AGBL4: variants seen among roughly 807,000 people sequenced by gnomAD.
AGBL4 encodes AGBL carboxypeptidase 4.
In AGBL4, 58 loss-of-function variants were observed where a neutral mutation model predicts 66.4. The observed-to-expected ratio is 0.87, with a 90% confidence interval of 0.71 to 1.09. AGBL4 has a LOEUF of 1.09. Ranked by LOEUF, AGBL4 falls within the 50% of genes least tolerant of loss-of-function variation. The pLI, the probability that AGBL4 is intolerant of heterozygous loss-of-function variation, is 0.00. For synonymous variants in AGBL4, 234 were observed against 222.9 expected, an observed-to-expected ratio of 1.05 and a Z score of -0.44; for missense variants, 579 against 631.0, an observed-to-expected ratio of 0.92 and a Z score of 0.88.
In AGBL4 at chr1:48,736,375, G is replaced by A. The variant is rs1255030641; in HGVS notation, c.635-73134C>T. On this transcript the variant is annotated intron_variant, in intron 6 of 13. Coordinates refer to ENST00000371839, the MANE Select transcript of AGBL4 (RefSeq NM_032785.4). This position sits in a 1 kb window ranked among gnomAD's most constrained non-coding sequence, Gnocchi z 4.0. ...AAATCATAACTGCCAAGTTCTTCGT[G>A]TACTTGGAATCTCCTTGGGTTACTT... 1 of 1,614,044 alleles carries A rather than the reference G, an allele frequency of 6.2e-7. No homozygotes were observed. Among genetic ancestry groups the A allele is most frequent in the East Asian group, 2.2e-5 (1 of 44,878 alleles).
intron 3 of AGBL4, among the ~76,000 whole-genome samples, chr1:49,307,968 G>A (rs1454807597): frequency 6.6e-6 from 1 of 152,090 alleles, no homozygotes. Flanking sequence ...GGTGGGAGGT[G>A]ATTGAATCAT....
chr1:49,529,249 T>C (rs1258801571), intron 3 of AGBL4, among the ~76,000 whole-genome samples: 1 of 152,178 alleles, frequency 6.6e-6, no homozygotes, highest in Non-Finnish European at 1.5e-5. Flanking sequence ...ATGGGGAATA[T>C]AATCTGTGGT....
chr1:49,388,361 C>T (rs1644779316), intron 3 of AGBL4, among the ~76,000 whole-genome samples: 1 of 151,874 alleles, frequency 6.6e-6, no homozygotes, highest in Non-Finnish European at 1.5e-5. Context: ...TAAAATATAA[C>T]TTAATGTACA....
intron 1 of AGBL4, among the ~76,000 whole-genome samples, chr1:49,878,105 A>T (rs1188491678): frequency 6.7e-6 from 1 of 149,168 alleles, no homozygotes; most frequent in East Asian, 1.9e-4. Flanking sequence ...CCTTTCAAAA[A>T]ACCAGCTCCT....
intron 3 of AGBL4, among the ~76,000 whole-genome samples, chr1:49,546,840 G>A (rs538010517): frequency 1.6e-4 from 24 of 152,060 alleles, no homozygotes; most frequent in Middle Eastern, 3.4e-3. Flanking sequence ...GCTTAGCCCC[G>A]TTTTTGATGG....
chr1:49,584,057 T>C (rs1412628974), intron 3 of AGBL4, among the ~76,000 whole-genome samples: 1 of 152,168 alleles, frequency 6.6e-6, no homozygotes, highest in African/African-American at 2.4e-5. Context: ...CCTTATATTA[T>C]CTCCATGTTG....
At chr1:49,441,848 C>T (rs1481557663) in intron 3 of AGBL4, among the ~76,000 whole-genome samples, 4 of 152,182 alleles carry the variant, frequency 2.6e-5, no homozygotes, top group African/African-American at 4.8e-5. Flanking sequence ...TCCCCAGTCA[C>T]CCCTATCATC....
At chr1:49,784,912 AG>A (rs1644416635) in intron 2 of AGBL4, among the ~76,000 whole-genome samples, 1 of 152,126 alleles carries the variant, frequency 6.6e-6, no homozygotes, top group Admixed American at 6.5e-5. Flanking sequence ...CACACCCAAT[AG>A]GATAACCACA....
chr1:49,458,472 T>G (rs906138695), intron 3 of AGBL4, among the ~76,000 whole-genome samples: 4 of 151,694 alleles, frequency 2.6e-5, no homozygotes, highest in African/African-American at 9.7e-5. Context: ...TAGGATTTTC[T>G]AGGTATACAA....
chr1:49,845,747 A>G lies in AGBL4; in HGVS notation c.157+5649T>C, dbSNP rs1266882009. ...AGGATTTACACGGGAGAGAAGCCCT[A>G]TGGATGCAACGAGTGTGGGAAAACC... On this transcript the variant is annotated intron_variant, in intron 2 of 13. Coordinates refer to ENST00000371839, the MANE Select transcript of AGBL4 (RefSeq NM_032785.4). 11 of 1,587,758 alleles carry G rather than the reference A, an allele frequency of 6.9e-6. 1 individual carries two copies. The South Asian group carries it at 8.9e-5, about 13-fold the overall frequency.
At chr1:48,997,716 A>G (rs1475928292) in intron 5 of AGBL4, among the ~76,000 whole-genome samples, 1 of 152,200 alleles carries the variant, frequency 6.6e-6, no homozygotes, top group Non-Finnish European at 1.5e-5. Flanking sequence ...TCTTACCCAT[A>G]ATATGAGGAT....
intron 4 of AGBL4, among the ~76,000 whole-genome samples, chr1:49,205,551 G>A (rs1648066477): frequency 1.3e-5 from 2 of 152,056 alleles, no homozygotes; most frequent in South Asian, 4.1e-4. Context: ...GGGAGTGTAA[G>A]TAGGTAAGCT....
At position 48,972,774 on chromosome 1, in the gene AGBL4, A is replaced by G. The variant is rs1355633557; in HGVS notation, c.594+72810T>C. On this transcript the variant is annotated intron_variant, in intron 5 of 13. Transcript: ENST00000371839. ...AAGAATTGTTCATTTTTTGGCAGATATTATTTTTGAAACCAAAGCATAGGG... is the reference window on the plus strand; with the variant it reads ...AAGAATTGTTCATTTTTTGGCAGATGTTATTTTTGAAACCAAAGCATAGGG... 2.6e-5 allele frequency among the ~76,000 whole-genome samples: 4 copies of G among 152,180 alleles called. No individual in the cohort carries two copies. The East Asian group carries it at 7.7e-4, about 29-fold the overall frequency.
chr1:49,395,789 G>GTATATATATACATATATATATGTATACA lies in AGBL4; in HGVS notation c.283-149953_283-149926dup, dbSNP rs1557900310. ...CACATATATATACATGTGTATATATGTATATATATACATATATATATGTAT... is the reference window on the plus strand; with the variant it reads ...CACATATATATACATGTGTATATATGTATATATATACATATATATATGTATACATATATATATACATATATATATGTAT... On this transcript the variant is annotated intron_variant, in intron 3 of 13. Coordinates refer to ENST00000371839, the MANE Select transcript of AGBL4 (RefSeq NM_032785.4). 2.0e-4 allele frequency among the ~76,000 whole-genome samples: 24 copies of GTATATATATACATATATATATGTATACA among 121,336 alleles called. No individual in the cohort carries two copies. In the South Asian group the frequency reaches 5.2e-3, roughly 26 times the overall value. The allele number at this position is 121,336 out of a possible 152,430, so 79.6% of individuals were successfully genotyped here.
chr1:49,180,026 C>T (rs1405509395), intron 4 of AGBL4, among the ~76,000 whole-genome samples: 2 of 152,012 alleles, frequency 1.3e-5, no homozygotes, highest in African/African-American at 4.8e-5. Context: ...CTCAGCCTCC[C>T]GAGTAGCTGG....
chr1:48,540,334 G>A (rs1285277073), intron 11 of AGBL4, among the ~76,000 whole-genome samples: 1 of 152,146 alleles, frequency 6.6e-6, no homozygotes, highest in Non-Finnish European at 1.5e-5. Context: ...TTGGGGAAGG[G>A]CCAATTTCAT....
chr1:49,272,793 G>C (rs1219219471), intron 3 of AGBL4, among the ~76,000 whole-genome samples: 2 of 151,912 alleles, frequency 1.3e-5, no homozygotes, highest in Non-Finnish European at 2.9e-5. Flanking sequence ...CTGTCTGTCT[G>C]ATACCATTGA....
chr1:48,734,516 C>T (rs192118404), intron 6 of AGBL4, among the ~76,000 whole-genome samples: 6 of 152,300 alleles, frequency 3.9e-5, no homozygotes, highest in African/African-American at 1.4e-4. Context: ...ATCCAAGCTG[C>T]TTACTGTGGC....
intron 4 of AGBL4, among the ~76,000 whole-genome samples, chr1:49,092,375 T>A (rs760517824): frequency 6.6e-6 from 1 of 152,132 alleles, no homozygotes; most frequent in Non-Finnish European, 1.5e-5. Context: ...GCTAAATTCC[T>A]TAGCCAATAA....
Sources: allele counts gnomAD v4.1 joint callset (sites outside exome capture counted in the v4.1 genomes callset), GRCh38; gene constraint gnomAD v4.1.1; non-coding constraint Gnocchi (gnomAD v3.1); transcripts MANE v1.5; gene names NCBI Gene and HGNC (gene_info 2026-07-23, HGNC 2026-07-21).